Variants in CRB1 observed in about 807,000 individuals in gnomAD.
CRB1 encodes the protein crumbs cell polarity complex component 1.
CRB1 carries 83 observed loss-of-function variants against 120.0 expected under a neutral mutation model. That is an observed-to-expected ratio of 0.69 (90% CI 0.58 to 0.83). The LOEUF is 0.83. Ranked by LOEUF, CRB1 falls within the 40% of genes least tolerant of loss-of-function variation. The probability of loss-of-function intolerance (pLI) is 0.00; values close to 1 mark genes in which losing one functional copy is unlikely to be tolerated. For missense variants in CRB1, 1,699 were observed against 1,687.6 expected (o/e 1.01, Z -0.12); for synonymous variants, 625 against 612.5 (o/e 1.02, Z -0.30).
At chr1:197,469,038 T>G (rs1158363906) in intron 11 of CRB1, among the ~76,000 whole-genome samples, 1 of 151,930 alleles carries the variant, frequency 6.6e-6, no homozygotes, top group African/African-American at 2.4e-5. Context: ...CATGAGGAAA[T>G]GGGACTCATT....
Position 197,421,295 on chromosome 1 carries a change from G to A in CRB1, c.1467G>A (p.Glu489=), listed in dbSNP as rs1467480388. The A allele has an allele frequency of 2.5e-6, 4 of 1,614,200 alleles. No individual in the cohort carries two copies. The highest frequency in any genetic ancestry group is 3.4e-6 in the Non-Finnish European group (4 of 1,180,034). ...LCEIATTLSF[E]GDGFLWVKSG... ...AAATCGCAACCACACTTTCATTTGA[G>A]GGCGATGGCTTCCTGTGGGTCAAAA... Residue 489 remains glutamate, a synonymous_variant, in exon 6 of 12, where the codon GAG becomes GAA. Coordinates refer to ENST00000367400, the MANE Select transcript of CRB1 (RefSeq NM_201253.3).
At chr1:197,441,483 T>G (rs2125511734) in intron 10 of CRB1, 1 of 152,286 alleles carries the variant, frequency 6.6e-6, no homozygotes, top group East Asian at 1.9e-4. Context: ...TGAAAGTCAT[T>G]CTACCTCAAC....
At chr1:197,405,211 G>T (rs949024486) in intron 5 of CRB1, among the ~76,000 whole-genome samples, 1 of 152,204 alleles carries the variant, frequency 6.6e-6, no homozygotes, top group African/African-American at 2.4e-5. Context: ...GAGTGCCTGC[G>T]ATTGCAGGCG....
At chr1:197,418,326 G>C (rs548391155) in intron 5 of CRB1, among the ~76,000 whole-genome samples, 19 of 152,244 alleles carry the variant, frequency 1.2e-4, no homozygotes, top group Admixed American at 2.0e-4. Context: ...TGTAATTCCT[G>C]TGTCAGTTTT....
rs111892093 is a variant in CRB1, at chr1:197,295,621, C to A, written c.70+27139C>A. Among the ~76,000 whole-genome samples the A allele has an allele frequency of 9.4e-3, 1,426 of 152,076 alleles. 30 individuals are homozygous for A. Among genetic ancestry groups the A allele is most frequent in the African/African-American group, 0.033 (1,357 of 41,508 alleles). On this transcript the variant is annotated intron_variant, in intron 1 of 11. Coordinates refer to ENST00000367400, the MANE Select transcript of CRB1 (RefSeq NM_201253.3). ...GATAATGGAATGACACAACTCAAGCCTTTGTGTCTGCAGCACTTCAGCATT... is the reference window on the plus strand; with the variant it reads ...GATAATGGAATGACACAACTCAAGCATTTGTGTCTGCAGCACTTCAGCATT...
At chr1:197,464,959 C>T (rs917498601) in intron 11 of CRB1, among the ~76,000 whole-genome samples, 1 of 152,224 alleles carries the variant, frequency 6.6e-6, no homozygotes, top group East Asian at 1.9e-4. Context: ...GTCTTTTGAG[C>T]CTTTTGTAGC....
chr1:197,476,483 A>G (rs1205869622), intron 11 of CRB1, among the ~76,000 whole-genome samples: 30 of 151,794 alleles, frequency 2.0e-4, no homozygotes, highest in Admixed American at 1.7e-3. Flanking sequence ...TTCCTAGCTC[A>G]GTAAATGCTC....
chr1:197,292,800 A>G (rs1656270320), intron 1 of CRB1, among the ~76,000 whole-genome samples: 1 of 152,136 alleles, frequency 6.6e-6, no homozygotes, highest in Admixed American at 6.6e-5. Flanking sequence ...ACAGAACCAA[A>G]GACAAAAACC....
rs920675600 is a variant in CRB1, at chr1:197,310,143, G to T, written c.71-18279G>T. Among the ~76,000 whole-genome samples, 4 of 152,118 alleles carry T rather than the reference G, an allele frequency of 2.6e-5. No individual in the cohort carries two copies. The South Asian group carries it at 8.3e-4, about 31-fold the overall frequency. ...TGCACAGAGTTACCCAACAGTGTAG[G>T]TTTACAAGAAGACACTACATTATTG... On this transcript the variant is annotated intron_variant, in intron 1 of 11. Coordinates refer to ENST00000367400, the MANE Select transcript of CRB1 (RefSeq NM_201253.3).
At chr1:197,374,165 C>G (rs949977) in intron 5 of CRB1, among the ~76,000 whole-genome samples, 37,699 of 151,812 alleles carry the variant, frequency 0.25, 5,196 homozygotes, top group Middle Eastern at 0.37. Context: ...AGGATGGATC[C>G]AGATAATGAT....
Position 197,478,063 on chromosome 1 carries a change from ATATTATATCAGCCAATTGCAAAAAAAGT to A in CRB1, c.*185_*212del. The A allele has an allele frequency of 1.5e-6, 1 of 655,560 alleles. No individual in the cohort carries two copies. The highest frequency in any genetic ancestry group is 2.7e-6 in the Non-Finnish European group (1 of 376,848). 40.6% of individuals were successfully genotyped at this position (655,560 alleles called of 1,614,324 possible). On this transcript the variant is annotated 3_prime_UTR_variant, in exon 12 of 12. Transcript: ENST00000367400. ...TTCCGCTCGACACCATTGTTTTATT[ATATTATATCAGCCAATTGCAAAAAAAGT>A]CTGTGCCAGTAATTTCAGCCTTATA...
chr1:197,470,503 G>T (rs1011824816), intron 11 of CRB1, among the ~76,000 whole-genome samples: 1 of 152,216 alleles, frequency 6.6e-6, no homozygotes, highest in African/African-American at 2.4e-5. Context: ...AAAGCATAAT[G>T]AAATATAACT....
intron 11 of CRB1, among the ~76,000 whole-genome samples, chr1:197,475,098 T>C (rs567699454): frequency 7.9e-5 from 12 of 152,328 alleles, no homozygotes; most frequent in African/African-American, 2.6e-4. Context: ...TGAAATTCTA[T>C]ATGCTTTACT....
At chr1:197,354,644 A>T (rs1014063847) in intron 4 of CRB1, among the ~76,000 whole-genome samples, 17 of 151,756 alleles carry the variant, frequency 1.1e-4, no homozygotes, top group Non-Finnish European at 1.9e-4. Flanking sequence ...GAAGCTGCAG[A>T]CCTTCATGGT....
chr1:197,265,134 C>G (rs1654603447), upstream of CRB1, among the ~76,000 whole-genome samples: 1 of 152,130 alleles, frequency 6.6e-6, no homozygotes, highest in Non-Finnish European at 1.5e-5. Context: ...AAGCTGTGAG[C>G]TCATCTTCGG....
intron 1 of CRB1, among the ~76,000 whole-genome samples, chr1:197,297,746 T>G (rs931513267): frequency 2.6e-5 from 4 of 151,926 alleles, no homozygotes; most frequent in South Asian, 2.1e-4. Context: ...AAATGACAAC[T>G]GAGAAAAGAG....
intron 9 of CRB1, 131 bp downstream of exon 9, chr1:197,435,743 C>T (rs942170145): frequency 1.2e-6 from 1 of 808,810 alleles, no homozygotes; most frequent in African/African-American, 1.7e-5. Context: ...CTGGTAGCTT[C>T]TGTCACAATT....
chr1:197,455,489 A>C (rs1233597687), intron 11 of CRB1, among the ~76,000 whole-genome samples: 2 of 152,126 alleles, frequency 1.3e-5, no homozygotes. Flanking sequence ...TTTAGTTTCT[A>C]CTAATTTTTA....
chr1:197,408,997 AT>A (rs1278937826), intron 5 of CRB1, among the ~76,000 whole-genome samples: 2 of 152,130 alleles, frequency 1.3e-5, no homozygotes, highest in African/African-American at 4.8e-5. Flanking sequence ...TTTTGCAGCT[AT>A]TTTGTCTTTC....
Sources: gnomAD v4.1 joint callset for allele counts (sites outside exome capture counted in the v4.1 genomes callset) on GRCh38, gnomAD v4.1.1 for gene constraint, MANE v1.5 for transcripts, NCBI Gene and HGNC (gene_info 2026-07-23, HGNC 2026-07-21) for gene names.